PXDN: variants seen among roughly 807,000 people sequenced by gnomAD.
PXDN encodes peroxidasin.
Under a neutral mutation model 140.3 loss-of-function variants are expected in PXDN, and 77 were observed. That is an observed-to-expected ratio of 0.55 (90% CI 0.46 to 0.66). The LOEUF (loss-of-function observed/expected upper bound fraction) is 0.66. Ranked by LOEUF, PXDN falls within the 30% of genes least tolerant of loss-of-function variation. The pLI is 0.00. For synonymous variants in PXDN, 911 were observed against 857.4 expected, an observed-to-expected ratio of 1.06 and a Z score of -1.09; for missense variants, 1,838 against 2,039.5, an observed-to-expected ratio of 0.90 and a Z score of 1.90.
At chr2:1,690,290 T>C (rs1249448810) in intron 3 of PXDN, among the ~76,000 whole-genome samples, 2 of 152,082 alleles carry the variant, frequency 1.3e-5, no homozygotes, top group Admixed American at 6.5e-5. Context: ...CAGTGATCTG[T>C]GTCCTCCACC....
At chr2:1,671,715 G>A (rs925483192) in intron 9 of PXDN, among the ~76,000 whole-genome samples, 4 of 152,180 alleles carry the variant, frequency 2.6e-5, no homozygotes, top group Admixed American at 1.3e-4. Context: ...AGACCTACAC[G>A]TCACTCTATT....
chr2:1,674,422 G>C (rs1258448750), intron 8 of PXDN, among the ~76,000 whole-genome samples: 1 of 152,194 alleles, frequency 6.6e-6, no homozygotes, highest in African/African-American at 2.4e-5. Context: ...GCCTCCCTCT[G>C]GGATCTGGGA....
intron 1 of PXDN, among the ~76,000 whole-genome samples, chr2:1,725,048 T>C (rs1685145019): frequency 6.6e-6 from 1 of 152,222 alleles, no homozygotes; most frequent in Admixed American, 6.5e-5. Flanking sequence ...CATCAATGTT[T>C]TATAGTTTTT....
chr2:1,693,757 G>A (rs75508054), intron 1 of PXDN, among the ~76,000 whole-genome samples: 2,941 of 152,324 alleles, frequency 0.019, 50 homozygotes, highest in African/African-American at 0.042. Context: ...TTTCGGGGGT[G>A]GAGAGAGGAT....
intron 6 of PXDN, among the ~76,000 whole-genome samples, chr2:1,681,911 G>A (rs1173054847): frequency 6.6e-6 from 1 of 152,226 alleles, no homozygotes; most frequent in Non-Finnish European, 1.5e-5. Flanking sequence ...AAGCAGAGAG[G>A]GCTATTCAGG....
At position 1,639,731 on chromosome 2, in the gene PXDN, G is replaced by A. The variant is rs1682670621; in HGVS notation, c.3953-309C>T. 6.6e-6 allele frequency among the ~76,000 whole-genome samples: 1 copy of A among 152,192 alleles called. No individual in the cohort carries two copies. Among genetic ancestry groups the A allele is most frequent in the Non-Finnish European group, 1.5e-5 (1 of 68,038 alleles). On this transcript the variant is annotated intron_variant, in intron 19 of 22. Transcript: ENST00000252804. The surrounding 1 kb of genome is among the most constrained non-coding windows in gnomAD (Gnocchi z 5.0). ...CCTCGCGGAGTTCCCTCCACCCACA[G>A]ATGGAGGCTCAGGCACTCTGCCTCG...
At chr2:1,656,768 C>T (rs977819095) in intron 14 of PXDN, among the ~76,000 whole-genome samples, 3 of 145,758 alleles carry the variant, frequency 2.1e-5, no homozygotes, top group Non-Finnish European at 4.5e-5. Context: ...TGGGATCTGT[C>T]CCCTCCTGAC....
chr2:1,635,672 A>T, intron 21 of PXDN, 151 bp from the exon 22 acceptor site: 1 of 699,172 alleles, frequency 1.4e-6, no homozygotes, highest in African/African-American at 1.8e-5. Flanking sequence ...AGAATCTCCA[A>T]TGTCCTTATT....
At chr2:1,742,721 T>A (rs1685574875) in intron 1 of PXDN, among the ~76,000 whole-genome samples, 1 of 152,044 alleles carries the variant, frequency 6.6e-6, no homozygotes, top group African/African-American at 2.4e-5. Context: ...TGCTGTTGAG[T>A]GAGATGCCCC....
Position 1,644,744 on chromosome 2 carries a change from C to A in PXDN, c.3617G>T (p.Gly1206Val). The change falls in exon 18 of 23, where the codon GGC (glycine) becomes GTC (valine). Residue 1206 changes from glycine (G) to valine (V), a missense_variant. By Grantham distance (109) the Gly-to-Val change is moderately radical (BLOSUM62 -3). Around this residue, in one of 5 missense-constraint regions of PXDN, gnomAD observed 850 missense variants for 894.1 expected, o/e 0.95. Coordinates refer to ENST00000252804, the MANE Select transcript of PXDN (RefSeq NM_012293.3). Reference sequence around the variant, plus strand: ...AAACAGGTCGATGTTGAGTGTCGAGCCATACAACCTAAAAAATAAAGAGAA... The same window carrying A: ...AAACAGGTCGATGTTGAGTGTCGAGACATACAACCTAAAAAATAAAGAGAA... ...EIREKLKRLY[G>V]STLNIDLFPA... 1.3e-6 allele frequency: 2 copies of A among 1,536,082 alleles called. No homozygotes were observed. The highest frequency in any genetic ancestry group is 1.8e-6 in the Non-Finnish European group (2 of 1,133,998).
chr2:1,742,937 TTCAC>T (rs1449660381), intron 1 of PXDN, among the ~76,000 whole-genome samples: 1 of 152,234 alleles, frequency 6.6e-6, no homozygotes, highest in Non-Finnish European at 1.5e-5. Context: ...TCCTGAATTG[TTCAC>T]TCAATTTTTT....
chr2:1,667,055 T>G (rs113408776), intron 9 of PXDN, among the ~76,000 whole-genome samples: 2,028 of 152,246 alleles, frequency 0.013, 56 homozygotes, highest in African/African-American at 0.046. Context: ...CCAGCCCACC[T>G]GCAGGGACGT....
intron 6 of PXDN, among the ~76,000 whole-genome samples, chr2:1,682,837 G>A (rs566960237): frequency 6.6e-6 from 1 of 152,256 alleles, no homozygotes; most frequent in African/African-American, 2.4e-5. Flanking sequence ...CTACTAGGGA[G>A]GCTGAGGCAC....
chr2:1,636,739 C>G (rs1026222955), intron 21 of PXDN: 2 of 151,314 alleles, frequency 1.3e-5, no homozygotes, highest in Non-Finnish European at 2.9e-5. Context: ...GCACAGGGGC[C>G]AGAGAGCACT....
In PXDN at chr2:1,639,231, C is replaced by T. The variant is rs1403675158; in HGVS notation, c.4073+71G>A. ...TCGCCACAGGCCCACAGCAGGATGC[C>T]GGTCCTACTGCCCGACGCCCGCGGT... On this transcript the variant is annotated intron_variant, in intron 20 of 22. Coordinates refer to ENST00000252804, the MANE Select transcript of PXDN (RefSeq NM_012293.3). This position sits in a 1 kb window ranked among gnomAD's most constrained non-coding sequence, Gnocchi z 5.0. 14 of 1,553,948 alleles carry T rather than the reference C, an allele frequency of 9.0e-6. No individual in the cohort carries two copies. Among genetic ancestry groups the T allele is most frequent in the African/African-American group, 1.4e-5 (1 of 73,274 alleles).
At chr2:1,730,829 C>T (rs918334689) in intron 1 of PXDN, among the ~76,000 whole-genome samples, 1 of 151,952 alleles carries the variant, frequency 6.6e-6, no homozygotes, top group African/African-American at 2.4e-5. Context: ...CCGGCTGTGA[C>T]CTATGGTTCC....
intron 21 of PXDN, chr2:1,637,115 G>A (rs1267785076): frequency 5.2e-5 from 8 of 152,406 alleles, no homozygotes; most frequent in African/African-American, 1.7e-4. Context: ...TGCCGACACA[G>A]GTGGGGTGGC....
chr2:1,704,787 G>A (rs1462601777), intron 1 of PXDN, among the ~76,000 whole-genome samples: 1 of 152,176 alleles, frequency 6.6e-6, no homozygotes, highest in African/African-American at 2.4e-5. Flanking sequence ...GCATGTCTCG[G>A]TGAGCAGAGG....
intron 1 of PXDN, among the ~76,000 whole-genome samples, chr2:1,700,197 G>C (rs561996106): frequency 2.0e-5 from 3 of 152,224 alleles, no homozygotes; most frequent in African/African-American, 4.8e-5. Context: ...AAGTAGCTGG[G>C]ATTACAGGCG....
Sources: allele counts gnomAD v4.1 joint callset (sites outside exome capture counted in the v4.1 genomes callset), GRCh38; gene constraint gnomAD v4.1.1; regional missense constraint gnomAD v4.1.1; non-coding constraint Gnocchi (gnomAD v3.1); transcripts MANE v1.5; gene names NCBI Gene and HGNC (gene_info 2026-07-23, HGNC 2026-07-21).